The following COL12A1 variants were observed in gnomAD, a reference collection of about 807,000 sequenced individuals.
The protein encoded by COL12A1 is collagen type XII alpha 1 chain.
In COL12A1, 114 loss-of-function variants were observed where a neutral mutation model predicts 349.7. The observed-to-expected ratio is 0.33, with a 90% CI of 0.28 to 0.38. The LOEUF is 0.38. COL12A1 is among the 10% of genes least tolerant of loss of function. The pLI is 1.00. For missense variants in COL12A1, 3,284 were observed against 3,756.9 expected, an observed-to-expected ratio of 0.87 and a Z score of 3.29; for synonymous variants, 1,369 against 1,329.0, an observed-to-expected ratio of 1.03 and a Z score of -0.66.
intron 14 of COL12A1, among the ~76,000 whole-genome samples, chr6:75,164,419 T>C (rs1227825716): frequency 2.0e-5 from 3 of 152,198 alleles, no homozygotes; most frequent in Admixed American, 6.5e-5. Context: ...TTCTTTTTTA[T>C]AGAAGGAAAT....
intron 1 of COL12A1, among the ~76,000 whole-genome samples, chr6:75,205,567 G>T (rs1056496858): frequency 6.6e-6 from 1 of 152,054 alleles, no homozygotes; most frequent in Non-Finnish European, 1.5e-5. Flanking sequence ...CTTAAGAAAA[G>T]CAACATTCCC....
chr6:75,198,008 G>T (rs1407578533), intron 2 of COL12A1, among the ~76,000 whole-genome samples: 6 of 152,100 alleles, frequency 3.9e-5, no homozygotes, highest in Non-Finnish European at 5.9e-5. Flanking sequence ...AGAACCCAAT[G>T]ATGGGCCTTA....
At chr6:75,187,697 T>C (rs1393058362) in intron 8 of COL12A1, among the ~76,000 whole-genome samples, 2 of 152,272 alleles carry the variant, frequency 1.3e-5, no homozygotes, top group African/African-American at 4.8e-5. Flanking sequence ...TTAGAATTTA[T>C]GTTTAATCAC....
chr6:75,093,769 T>C (rs1010722595), intron 60 of COL12A1, among the ~76,000 whole-genome samples: 4 of 152,178 alleles, frequency 2.6e-5, no homozygotes, highest in African/African-American at 9.6e-5. Flanking sequence ...ATTGTCCTAT[T>C]GTTCATGATT....
At chr6:75,102,756 G>A in intron 55 of COL12A1, 64 bp from the exon 56 acceptor site, 1 of 985,768 alleles carries the variant, frequency 1.0e-6, no homozygotes, top group Non-Finnish European at 1.4e-6. Context: ...CTGACATTTA[G>A]TCAGACACTT....
chr6:75,146,004 A>T, intron 24 of COL12A1, 98 bp downstream of exon 24: 1 of 1,270,790 alleles, frequency 7.9e-7, no homozygotes, highest in Non-Finnish European at 1.0e-6. Flanking sequence ...TTGTACGTAA[A>T]GTTATAAATG....
At chr6:75,144,136 C>T (rs968668750) in intron 25 of COL12A1, among the ~76,000 whole-genome samples, 2 of 152,176 alleles carry the variant, frequency 1.3e-5, no homozygotes, top group African/African-American at 2.4e-5. Flanking sequence ...GTGTATCTCT[C>T]TCTGCCCTCC....
At chr6:75,110,236 C>T (rs1267165309) in intron 51 of COL12A1, among the ~76,000 whole-genome samples, 1 of 151,934 alleles carries the variant, frequency 6.6e-6, no homozygotes, top group Non-Finnish European at 1.5e-5. Context: ...CTTTTTGGCT[C>T]ATATATGAAC....
At chr6:75,122,074 G>A (rs937183104) in intron 43 of COL12A1, among the ~76,000 whole-genome samples, 2 of 151,958 alleles carry the variant, frequency 1.3e-5, no homozygotes, top group Admixed American at 1.3e-4. Context: ...GGCCATGATG[G>A]TCTCGATCCA....
intron 46 of COL12A1, among the ~76,000 whole-genome samples, chr6:75,118,437 AGACCTTGCTTGG>A (rs1486835974): frequency 6.6e-6 from 1 of 152,194 alleles, no homozygotes; most frequent in African/African-American, 2.4e-5. Flanking sequence ...TATCCACCTT[AGACCTTGCTTGG>A]GACAGCAGGG....
At chr6:75,184,544 C>T (rs1056445670) in intron 8 of COL12A1, among the ~76,000 whole-genome samples, 3 of 152,172 alleles carry the variant, frequency 2.0e-5, no homozygotes, top group African/African-American at 7.2e-5. Flanking sequence ...GGGAATTTTT[C>T]TCTCTTAATA....
At chr6:75,120,882 A>C (rs920367447) in intron 44 of COL12A1, among the ~76,000 whole-genome samples, 1 of 152,208 alleles carries the variant, frequency 6.6e-6, no homozygotes, top group Non-Finnish European at 1.5e-5. Context: ...TTATCTGCAA[A>C]GTAATGATAG....
At chr6:75,143,741 A>T (rs1008399061) in intron 25 of COL12A1, among the ~76,000 whole-genome samples, 1 of 152,220 alleles carries the variant, frequency 6.6e-6, no homozygotes, top group African/African-American at 2.4e-5. Context: ...TCAGATATTT[A>T]ACTCAAGACA....
At chr6:75,205,565 A>C in intron 1 of COL12A1, among the ~76,000 whole-genome samples, 1 of 152,060 alleles carries the variant, frequency 6.6e-6, no homozygotes, top group Non-Finnish European at 1.5e-5. Context: ...CTCTTAAGAA[A>C]AGCAACATTC....
intron 59 of COL12A1, among the ~76,000 whole-genome samples, chr6:75,095,567 A>C (rs1767969527): frequency 1.4e-5 from 2 of 143,760 alleles, no homozygotes; most frequent in African/African-American, 5.4e-5. Flanking sequence ...CAGTGAGCCG[A>C]GATTGCGCCA....
At chr6:75,133,824 C>A in intron 33 of COL12A1, 34 bp downstream of exon 33, 1 of 1,612,120 alleles carries the variant, frequency 6.2e-7, no homozygotes, top group Non-Finnish European at 8.5e-7. Context: ...ACCATTTAAA[C>A]AAACTAGCAT....
At chr6:75,153,186 G>A (rs73749976) in intron 17 of COL12A1, among the ~76,000 whole-genome samples, 3,634 of 152,094 alleles carry the variant, frequency 0.024, 138 homozygotes, top group African/African-American at 0.082. Context: ...AATATAGATG[G>A]TGAAGTTTGC....
rs781731619 is a variant in COL12A1 at position 75,191,773 on chromosome 6, T to A, written c.335-13A>T. The A allele has an allele frequency of 6.4e-7, 1 of 1,559,512 alleles. No homozygotes were observed. The highest frequency in any genetic ancestry group is 8.7e-7 in the Non-Finnish European group (1 of 1,152,076). On this transcript the variant is annotated splice_polypyrimidine_tract_variant and intron_variant, in intron 4 of 65. Coordinates refer to ENST00000322507, the MANE Select transcript of COL12A1 (RefSeq NM_004370.6). The stretch of plus-strand genomic sequence containing the variant: ...CTACCTGTTTGAACTAAGTTAAAAC[T>A]TTATTATTACAAAAGGAAATGAACC...
At position 75,133,343 on chromosome 6, in the gene COL12A1, G is replaced by A; in HGVS notation, c.5744C>T (p.Pro1915Leu). The A allele has an allele frequency of 6.2e-7, 1 of 1,611,454 alleles. No homozygotes were observed. Among genetic ancestry groups the A allele is most frequent in the Non-Finnish European group, 8.5e-7 (1 of 1,178,762 alleles). The change falls in exon 34 of 66, where the codon CCC becomes CTC. Residue 1915 changes from proline (P) to leucine (L), a missense_variant. Coordinates refer to ENST00000322507, the MANE Select transcript of COL12A1 (RefSeq NM_004370.6). ...PDTSYTVTVV[P>L]VYTEGDGGRT... is the part of the protein sequence containing the mutation. ...TCCCCCATCACCTTCAGTATAAACG[G>A]GAACTACAGTCACAGTGTATGAGGT...
Sources: gnomAD v4.1 joint callset for allele counts (sites outside exome capture counted in the v4.1 genomes callset) on GRCh38, gnomAD v4.1.1 for gene constraint, MANE v1.5 for transcripts, NCBI Gene and HGNC (gene_info 2026-07-23, HGNC 2026-07-21) for gene names.